The following UVRAG variants were observed in gnomAD, a reference collection of about 807,000 sequenced individuals.
UVRAG encodes UV radiation resistance-associated gene protein.
A neutral mutation model predicts 78.0 loss-of-function variants in UVRAG; 19 were observed. That is an observed-to-expected ratio of 0.24 (90% CI 0.17 to 0.36). The LOEUF (loss-of-function observed/expected upper bound fraction) is 0.36. Among genes scored for constraint, UVRAG ranks in the 10% least tolerant of loss-of-function variants. The probability of loss-of-function intolerance (pLI) is 1.00; values close to 1 mark genes in which losing one functional copy is unlikely to be tolerated. For missense variants in UVRAG, 740 were observed against 853.8 expected, an observed-to-expected ratio of 0.87 and a Z score of 1.66; for synonymous variants, 323 against 324.6, an observed-to-expected ratio of 1.00 and a Z score of 0.05.
chr11:75,916,628 T>A (rs1947862588), intron 6 of UVRAG: 1 of 152,218 alleles, frequency 6.6e-6, no homozygotes, highest in Non-Finnish European at 1.5e-5. Flanking sequence ...GAGAACAGGT[T>A]TTGCAGCAAA....
chr11:75,898,752 AG>A (rs1947413237), intron 5 of UVRAG, among the ~76,000 whole-genome samples: 1 of 152,128 alleles, frequency 6.6e-6, no homozygotes, highest in African/African-American at 2.4e-5. Flanking sequence ...ATAGCGTCTT[AG>A]GGGGGCAAGT....
At chr11:75,887,791 C>G (rs1947120837) in intron 4 of UVRAG, among the ~76,000 whole-genome samples, 1 of 151,978 alleles carries the variant, frequency 6.6e-6, no homozygotes, top group African/African-American at 2.4e-5. Flanking sequence ...GCCATGTTGG[C>G]CAGGCTGGTC....
At chr11:76,100,955 C>T (rs536828998) in intron 13 of UVRAG, among the ~76,000 whole-genome samples, 11 of 152,188 alleles carry the variant, frequency 7.2e-5, no homozygotes, top group Middle Eastern at 3.4e-3. Flanking sequence ...TTTTTTATGG[C>T]GGCATAATAT....
At chr11:76,092,996 T>G (rs1235131408) in intron 13 of UVRAG, among the ~76,000 whole-genome samples, 1 of 152,248 alleles carries the variant, frequency 6.6e-6, no homozygotes, top group Non-Finnish European at 1.5e-5. Flanking sequence ...TTAATCCATC[T>G]TGAATTAATT....
chr11:76,023,386 T>G (rs575927689), intron 12 of UVRAG, among the ~76,000 whole-genome samples: 6 of 152,214 alleles, frequency 3.9e-5, no homozygotes, highest in Middle Eastern at 3.4e-3. Flanking sequence ...TCAAAGAAAC[T>G]CTCTCCAGCT....
At chr11:76,044,315 T>C (rs1242924246) in intron 12 of UVRAG, among the ~76,000 whole-genome samples, 1 of 152,210 alleles carries the variant, frequency 6.6e-6, no homozygotes, top group African/African-American at 2.4e-5. Context: ...ACAGGGTTGT[T>C]TTAAGAATTA....
chr11:76,107,988 T>C (rs1257701772), intron 13 of UVRAG, among the ~76,000 whole-genome samples: 1 of 152,260 alleles, frequency 6.6e-6, no homozygotes, highest in African/African-American at 2.4e-5. Flanking sequence ...CATTTCTTTG[T>C]AGTCAAATTC....
chr11:76,081,762 T>G (rs892075668), intron 13 of UVRAG, among the ~76,000 whole-genome samples: 1 of 152,180 alleles, frequency 6.6e-6, no homozygotes, highest in African/African-American at 2.4e-5. Flanking sequence ...TATATGAGAA[T>G]GTTTATAGCA....
rs542813532 is a variant in UVRAG, at chr11:76,141,699, C to G, written c.*286C>G. The G allele has an allele frequency of 4.9e-6, 2 of 409,598 alleles. No individual in the cohort carries two copies. The highest frequency in any genetic ancestry group is 2.0e-5 in the African/African-American group (1 of 49,886). 25.4% of individuals were successfully genotyped at this position (409,598 alleles called of 1,614,324 possible). A position where few individuals can be genotyped will look rare whatever the true frequency, so the allele number is the denominator to read the frequency against. On this transcript the variant is annotated 3_prime_UTR_variant, in exon 15 of 15. Transcript: ENST00000356136. ...CTCGAGTCACCTTTTAGCTATTTGT[C>G]TGCTTTTTATTTACCCTTGTATGTT...
At chr11:75,974,351 CTTTTTTTTTTTTTTTT>C (rs1188190094) in intron 7 of UVRAG, among the ~76,000 whole-genome samples, 1 of 83,700 alleles carries the variant, frequency 1.2e-5, no homozygotes, top group Admixed American at 1.2e-4. Context: ...TAAATGTCTT[CTTTTTTTTTTTTTTTT>C]TTTTTTTTTT....
At chr11:76,064,267 A>G (rs1421771347) in intron 12 of UVRAG, among the ~76,000 whole-genome samples, 1 of 152,234 alleles carries the variant, frequency 6.6e-6, no homozygotes, top group Non-Finnish European at 1.5e-5. Flanking sequence ...AGCTTATAGA[A>G]TAACAGCTAG....
At chr11:75,941,085 T>C (rs1311418587) in intron 6 of UVRAG, among the ~76,000 whole-genome samples, 2 of 152,176 alleles carry the variant, frequency 1.3e-5, no homozygotes, top group Admixed American at 6.5e-5. Flanking sequence ...ATATCCTTAA[T>C]AAGCACATTG....
chr11:75,878,744 G>C (rs1004663897), intron 3 of UVRAG, among the ~76,000 whole-genome samples: 1 of 152,164 alleles, frequency 6.6e-6, no homozygotes, highest in Non-Finnish European at 1.5e-5. Context: ...GCCTGCAATC[G>C]CAGGCACTCG....
At chr11:75,841,521 T>C (rs1945910434) in intron 1 of UVRAG, among the ~76,000 whole-genome samples, 1 of 146,500 alleles carries the variant, frequency 6.8e-6, no homozygotes, top group Non-Finnish European at 1.5e-5. Context: ...ATATCATCAT[T>C]TTCAATGACC....
chr11:76,022,854 C>T (rs561673209), intron 12 of UVRAG, among the ~76,000 whole-genome samples: 15 of 152,110 alleles, frequency 9.9e-5, no homozygotes, highest in Middle Eastern at 6.8e-3. Flanking sequence ...TTTATTACTG[C>T]CTTCTTTTGT....
intron 1 of UVRAG, among the ~76,000 whole-genome samples, chr11:75,827,569 C>A (rs1945543035): frequency 1.3e-5 from 2 of 152,132 alleles, no homozygotes; most frequent in South Asian, 4.1e-4. Flanking sequence ...CGAGATCACG[C>A]CACTGCACTC....
At chr11:75,828,743 A>C (rs1366277296) in intron 1 of UVRAG, among the ~76,000 whole-genome samples, 18 of 94,288 alleles carry the variant, frequency 1.9e-4, no homozygotes, top group Admixed American at 1.7e-3. Context: ...ATATATATAT[A>C]TATACACACA....
intron 5 of UVRAG, among the ~76,000 whole-genome samples, chr11:75,893,806 G>T (rs139842744): frequency 6.6e-6 from 1 of 150,576 alleles, no homozygotes; most frequent in Non-Finnish European, 1.5e-5. Flanking sequence ...TCGCACCATT[G>T]CACTCTAGCC....
intron 1 of UVRAG, among the ~76,000 whole-genome samples, chr11:75,839,774 A>G (rs942063732): frequency 4.0e-5 from 6 of 151,804 alleles, no homozygotes; most frequent in South Asian, 4.2e-4. Context: ...CAGTATATCA[A>G]TGTATATTGA....
Sources: gnomAD v4.1 joint callset for allele counts (sites outside exome capture counted in the v4.1 genomes callset) on GRCh38, gnomAD v4.1.1 for gene constraint, MANE v1.5 for transcripts, NCBI Gene and HGNC (gene_info 2026-07-23, HGNC 2026-07-21) for gene names.